MAPKBP1: variants seen among roughly 807,000 people sequenced by gnomAD.
The protein encoded by MAPKBP1 is mitogen-activated protein kinase binding protein 1.
MAPKBP1 carries 71 observed loss-of-function variants against 170.5 expected under a neutral mutation model. That is an observed-to-expected ratio of 0.42 (90% CI 0.34 to 0.51). MAPKBP1 has a LOEUF of 0.51. MAPKBP1 is among the 20% of genes least tolerant of loss of function. The probability of loss-of-function intolerance (pLI) is 0.06; values close to 1 mark genes in which losing one functional copy is unlikely to be tolerated. For synonymous variants in MAPKBP1, 719 were observed against 757.9 expected (o/e 0.95, Z 0.84); for missense variants, 1,598 against 1,933.0 (o/e 0.83, Z 3.25).
rs972188510 is a variant in MAPKBP1, at chr15:41,820,979, C to T, written c.2629C>T (p.Gln877Ter). 1.9e-6 allele frequency: 3 copies of T among 1,614,196 alleles called. No homozygotes were observed. Among genetic ancestry groups the T allele is most frequent in the East Asian group, 4.5e-5 (2 of 44,880 alleles). Residue 877 changes from glutamine to a stop codon, truncating the protein, a stop_gained, in exon 23 of 31, where the codon CAG (glutamine) becomes TAG (stop). Transcript: ENST00000457542. LOFTEE classifies it high-confidence loss of function. Reference protein sequence around the residue: ...RQLETLAPSLQDPSQDSLAII... With the variant: ...RQLETLAPSL ...GCTGGAAACACTGGCCCCAAGCCTG[C>T]AGGACCCTAGCCAGGACTCGCTGGC...
At position 41,825,727 on chromosome 15, in the gene MAPKBP1, C is replaced by T. The variant is rs1393207744; in HGVS notation, c.*291C>T. On this transcript the variant is annotated 3_prime_UTR_variant, in exon 31 of 31. Coordinates refer to ENST00000457542, the MANE Select transcript of MAPKBP1 (RefSeq NM_014994.3). ...TGTGAGAGGTAGGAGGGCAGCCTGCCCCATCTAGGAATCTGGGAAGGGCTG... is the reference window on the plus strand; with the variant it reads ...TGTGAGAGGTAGGAGGGCAGCCTGCTCCATCTAGGAATCTGGGAAGGGCTG... The T allele has an allele frequency of 2.9e-6, 1 of 347,440 alleles. No individual in the cohort carries two copies. Among genetic ancestry groups the T allele is most frequent in the Admixed American group, 4.6e-5 (1 of 21,820 alleles). The allele number at this position is 347,440 out of a possible 1,614,324, so 21.5% of individuals were successfully genotyped here.
intron 2 of MAPKBP1, among the ~76,000 whole-genome samples, chr15:41,777,857 C>G (rs1476853638): frequency 1.3e-5 from 2 of 152,144 alleles, no homozygotes; most frequent in East Asian, 3.9e-4. Flanking sequence ...AGGTACATGC[C>G]CCTTTTGGGG....
intron 3 of MAPKBP1, 63 bp from the exon 4 acceptor site, chr15:41,810,820 C>T (rs938490881): frequency 1.4e-6 from 2 of 1,459,968 alleles, no homozygotes; most frequent in Non-Finnish European, 1.9e-6. Flanking sequence ...TCCTGGGTGG[C>T]CTGGAGGGCT....
chr15:41,824,718 T>G, intron 30 of MAPKBP1, 149 bp downstream of exon 30: 22 of 800,954 alleles, frequency 2.7e-5, no homozygotes, highest in Non-Finnish European at 4.1e-5. Flanking sequence ...GTGAGGGGGT[T>G]AGAGGCCAGG....
In MAPKBP1 at chr15:41,819,339, A is replaced by G. The variant is rs1413050426; in HGVS notation, c.2385A>G (p.Pro795=). 13 of 1,614,102 alleles carry G rather than the reference A, an allele frequency of 8.1e-6. No homozygotes were observed. The highest frequency in any genetic ancestry group is 5.3e-5 in the African/African-American group (4 of 74,934). ...GEDEGTEEEL[P]ALPVLAKSTK... ...ATGAGGGGACTGAAGAAGAACTTCC[A>G]GCACTGCCCGTCCTTGCCAAGAGTA... Residue 795 remains proline, a synonymous_variant, in exon 21 of 31, where the codon CCA becomes CCG. Coordinates refer to ENST00000457542, the MANE Select transcript of MAPKBP1 (RefSeq NM_014994.3).
intron 11 of MAPKBP1, 88 bp downstream of exon 11, chr15:41,815,493 A>G: frequency 1.3e-6 from 2 of 1,570,676 alleles, no homozygotes; most frequent in Non-Finnish European, 8.7e-7. Context: ...ACTGGTCCCT[A>G]GGCCTTGGCC....
In MAPKBP1 at chr15:41,815,775, C is replaced by T; in HGVS notation, c.1469C>T (p.Ser490Leu). The T allele has an allele frequency of 6.2e-7, 1 of 1,614,078 alleles. No individual in the cohort carries two copies. The highest frequency in any genetic ancestry group is 8.5e-7 in the Non-Finnish European group (1 of 1,179,946). ...CVSPNGQHLASGDRMGTLRVH... is the reference protein window; with the variant it reads ...CVSPNGQHLALGDRMGTLRVH... ...AGCCCCAATGGACAGCATCTAGCAT[C>T]AGGGGACCGTATGGGCACACTTAGG... The change falls in exon 12 of 31, where the codon TCA becomes TTA. Residue 490 changes from serine (S) to leucine (L), a missense_variant. Coordinates refer to ENST00000457542, the MANE Select transcript of MAPKBP1 (RefSeq NM_014994.3).
intron 2 of MAPKBP1, among the ~76,000 whole-genome samples, chr15:41,790,669 T>C (rs1421052234): frequency 6.6e-6 from 1 of 152,220 alleles, no homozygotes; most frequent in Non-Finnish European, 1.5e-5. Context: ...TTGGAAGTTA[T>C]TTGTTTCTGG....
chr15:41,810,774 CTT>C, intron 3 of MAPKBP1, 107 bp from the exon 4 acceptor site: 1 of 765,656 alleles, frequency 1.3e-6, no homozygotes, highest in South Asian at 1.6e-5. Context: ...CTTCTGAGCT[CTT>C]TCTACCCAGC....
At position 41,822,336 on chromosome 15, in the gene MAPKBP1, G is replaced by C. The variant is rs1488132437; in HGVS notation, c.3143G>C (p.Gly1048Ala). 4 of 1,614,048 alleles carry C rather than the reference G, an allele frequency of 2.5e-6. No homozygotes were observed. The highest frequency in any genetic ancestry group is 3.4e-6 in the Non-Finnish European group (4 of 1,180,006). The change falls in exon 26 of 31, where the codon GGG becomes GCG. Residue 1048 changes from glycine (G) to alanine (A), a missense_variant. Around this residue, in one of 6 missense-constraint regions of MAPKBP1, gnomAD observed 942 missense variants for 953.2 expected, o/e 0.99. Transcript: ENST00000457542. ...EEEEGGMGPY[G>A]LQEGSPQTPD... is the part of the protein sequence containing the mutation. ...GAGGAGGGAGGCATGGGCCCCTATG[G>C]GCTACAGGAGGGCAGCCCCCAGACT...
Position 41,820,852 on chromosome 15 carries a change from C to T in MAPKBP1, c.2502C>T (p.Phe834=). Residue 834 remains phenylalanine, a synonymous_variant, in exon 23 of 31, where the codon TTC becomes TTT. Transcript: ENST00000457542. ...ACCAGGCACAGGAGTCCGTGGGGTT[C>T]CTGGACCCAGCTCCTGCAGCCAACC... ...EMSRAQESVG[F]LDPAPAANPG... is the part of the protein sequence containing the mutation. 1 of 1,613,930 alleles carries T rather than the reference C, an allele frequency of 6.2e-7. No homozygotes were observed.
At chr15:41,816,205 A>G (rs2064888654) in intron 12 of MAPKBP1, 2 of 360,456 alleles carry the variant, frequency 5.5e-6, no homozygotes, top group Non-Finnish European at 1.0e-5. Flanking sequence ...GTTACAGACC[A>G]CAGAAGTCTA....
intron 2 of MAPKBP1, among the ~76,000 whole-genome samples, chr15:41,787,026 G>A (rs2064310459): frequency 6.6e-6 from 1 of 150,872 alleles, no homozygotes; most frequent in African/African-American, 2.4e-5. Context: ...AGCCTCCCGA[G>A]TAGCTGGGAT....
In MAPKBP1 at chr15:41,821,643, A is replaced by T. The variant is rs750678194; in HGVS notation, c.2778A>T (p.Arg926=). 1.9e-6 allele frequency: 3 copies of T among 1,613,892 alleles called. No homozygotes were observed. Among genetic ancestry groups the T allele is most frequent in the South Asian group, 2.2e-5 (2 of 91,090 alleles). Reference sequence around the variant, plus strand: ...CTTGTTCCTATCCCCATATTATCCGATTATTGTCACAAGAGGAAGGGGTCT... The same window carrying T: ...CTTGTTCCTATCCCCATATTATCCGTTTATTGTCACAAGAGGAAGGGGTCT... ...SQPCSYPHII[R]LLSQEEGVFA... The change falls in exon 24 of 31, where the codon CGA becomes CGT. Residue 926 remains arginine (R), a synonymous_variant. Transcript: ENST00000457542.
At position 41,786,791 on chromosome 15, in the gene MAPKBP1, T is replaced by A. The variant is rs1301203113; in HGVS notation, c.114+11402T>A. Among the ~76,000 whole-genome samples the A allele has an allele frequency of 2.0e-3, 227 of 116,090 alleles. 12 individuals are homozygous for A. Among genetic ancestry groups the A allele is most frequent in the Middle Eastern group, 5.4e-3 (1 of 184 alleles). The allele number at this position is 116,090 out of a possible 152,430, so 76.2% of individuals were successfully genotyped here. A position where few individuals can be genotyped will look rare whatever the true frequency, so the allele number is the denominator to read the frequency against. On this transcript the variant is annotated intron_variant, in intron 2 of 30. Coordinates refer to ENST00000457542, the MANE Select transcript of MAPKBP1 (RefSeq NM_014994.3). ...AAAAAAAAAAAAATATATATATATATATATATATATATAGGTATAATAAGC... is the reference window on the plus strand; with the variant it reads ...AAAAAAAAAAAAATATATATATATAAATATATATATATAGGTATAATAAGC...
At chr15:41,822,793 G>C in intron 27 of MAPKBP1, 116 bp downstream of exon 27, 6 of 1,472,048 alleles carry the variant, frequency 4.1e-6, no homozygotes, top group Non-Finnish European at 4.7e-6. Context: ...TGCACTCCCA[G>C]TTTTGGGCTA....
At chr15:41,820,786 CT>C in intron 22 of MAPKBP1, 45 bp from the exon 23 acceptor site, 1 of 1,386,904 alleles carries the variant, frequency 7.2e-7, no homozygotes. Flanking sequence ...GTTGATCTTA[CT>C]GTGTGGTTGT....
chr15:41,800,104 T>G (rs569244059), intron 3 of MAPKBP1, among the ~76,000 whole-genome samples, 190 bp downstream of exon 3: 1 of 152,346 alleles, frequency 6.6e-6, no homozygotes, highest in South Asian at 2.1e-4. Context: ...GTTGCCATCC[T>G]GTGCTGCTTT....
rs936368621 is a variant in MAPKBP1, at chr15:41,827,021, T to A, written c.*1585T>A. On this transcript the variant is annotated 3_prime_UTR_variant, in exon 31 of 31. Coordinates refer to ENST00000457542, the MANE Select transcript of MAPKBP1 (RefSeq NM_014994.3). ...ATAAAGAAATGGGTTCTGGGCCAGG[T>A]GTGGTGGCTCAAGCCTGTAATCCCA... The A allele has an allele frequency of 3.3e-5, 5 of 152,048 alleles. No individual in the cohort carries two copies. Among genetic ancestry groups the A allele is most frequent in the African/African-American group, 1.2e-4 (5 of 41,350 alleles). The allele number at this position is 152,048 out of a possible 1,614,324, so 9.4% of individuals were successfully genotyped here.
Sources: allele counts gnomAD v4.1 joint callset (sites outside exome capture counted in the v4.1 genomes callset), GRCh38; gene constraint gnomAD v4.1.1; regional missense constraint gnomAD v4.1.1; transcripts MANE v1.5; gene names NCBI Gene and HGNC (gene_info 2026-07-23, HGNC 2026-07-21).